Variants in NCALD observed in about 807,000 individuals in gnomAD.
NCALD encodes the protein neurocalcin delta.
Under a neutral mutation model 18.6 loss-of-function variants are expected in NCALD, and 10 were observed. The ratio of observed to expected loss-of-function variants is 0.54; its 90% CI spans 0.33 to 0.91. NCALD has a LOEUF of 0.91. NCALD is among the 40% of genes least tolerant of loss of function. NCALD has a pLI of 0.03. For missense variants in NCALD, 184 were observed against 247.6 expected (o/e 0.74, Z 1.72); for synonymous variants, 88 against 87.4 (o/e 1.01, Z -0.04).
At chr8:101,924,999 G>A (rs946287484) in intron 2 of NCALD, among the ~76,000 whole-genome samples, 3 of 152,006 alleles carry the variant, frequency 2.0e-5, no homozygotes, top group Non-Finnish European at 2.9e-5. Context: ...AGTTGTGAGG[G>A]ATGAATATTT....
intron 2 of NCALD, among the ~76,000 whole-genome samples, chr8:101,702,232 CTTTT>C (rs113050942): frequency 6.8e-6 from 1 of 146,286 alleles, no homozygotes; most frequent in African/African-American, 2.5e-5. Context: ...TAGTGTCATT[CTTTT>C]TTTTTTTTCT....
intron 2 of NCALD, among the ~76,000 whole-genome samples, chr8:102,006,234 G>A (rs562606519): frequency 1.8e-4 from 27 of 151,956 alleles, no homozygotes; most frequent in Non-Finnish European, 3.5e-4. Flanking sequence ...CCCACTAAAA[G>A]GATATTTGTT....
intron 2 of NCALD, among the ~76,000 whole-genome samples, chr8:101,699,721 T>C (rs1815168575): frequency 1.3e-5 from 2 of 151,870 alleles, no homozygotes; most frequent in Admixed American, 1.3e-4. Flanking sequence ...TGAGAACACA[T>C]GGACACAGGG....
chr8:101,714,550 A>C (rs980016930), intron 2 of NCALD, among the ~76,000 whole-genome samples: 2 of 152,262 alleles, frequency 1.3e-5, no homozygotes, highest in South Asian at 2.1e-4. Context: ...CAATATCATG[A>C]AAACGGCCAT....
At chr8:102,065,775 A>G (rs1823989550) in intron 1 of NCALD, among the ~76,000 whole-genome samples, 1 of 152,148 alleles carries the variant, frequency 6.6e-6, no homozygotes, top group Non-Finnish European at 1.5e-5. Context: ...GGAGTTCAAG[A>G]CCAGCCTGGG....
intron 2 of NCALD, among the ~76,000 whole-genome samples, chr8:101,696,302 A>G (rs1364448518): frequency 2.0e-5 from 3 of 152,250 alleles, no homozygotes; most frequent in African/African-American, 7.2e-5. Context: ...AATAAGGCAG[A>G]CATTAGTAAA....
At chr8:101,847,701 G>C (rs1425075494) in intron 4 of NCALD, among the ~76,000 whole-genome samples, 1 of 152,166 alleles carries the variant, frequency 6.6e-6, no homozygotes, top group Non-Finnish European at 1.5e-5. Flanking sequence ...CCCTCAAAGA[G>C]CTTTGGTGCA....
chr8:101,955,479 T>C (rs2131828051), intron 2 of NCALD, among the ~76,000 whole-genome samples: 1 of 152,288 alleles, frequency 6.6e-6, no homozygotes, highest in Admixed American at 6.5e-5. Flanking sequence ...CTGAGACATC[T>C]GGGGTCTAAA....
At chr8:102,085,599 A>T (rs201143137) in intron 1 of NCALD, among the ~76,000 whole-genome samples, 1 of 4,418 alleles carries the variant, frequency 2.3e-4, no homozygotes, top group Non-Finnish European at 5.9e-4. Flanking sequence ...TACTAAAAAT[A>T]AAAAAAAATT....
At chr8:102,092,438 A>C (rs1563610367) in intron 1 of NCALD, among the ~76,000 whole-genome samples, 1 of 152,098 alleles carries the variant, frequency 6.6e-6, no homozygotes, top group Non-Finnish European at 1.5e-5. Flanking sequence ...CTTGTGTGAG[A>C]TCTAAGAACC....
At chr8:101,765,312 TTGCTGTTCCTGCAGTTGC>T (rs1811301015) in intron 1 of NCALD, among the ~76,000 whole-genome samples, 1 of 152,124 alleles carries the variant, frequency 6.6e-6, no homozygotes, top group South Asian at 2.1e-4. Flanking sequence ...TCATAAATAT[TTGCTGTTCCTGCAGTTGC>T]TGCATTAAAC....
intron 3 of NCALD, among the ~76,000 whole-genome samples, chr8:101,894,679 G>A (rs943017637): frequency 1.2e-4 from 18 of 150,626 alleles, no homozygotes; most frequent in South Asian, 2.1e-4. Flanking sequence ...GATAAAGGGG[G>A]TATCACCACA....
At chr8:101,937,035 C>T (rs1818788978) in intron 2 of NCALD, among the ~76,000 whole-genome samples, 1 of 152,160 alleles carries the variant, frequency 6.6e-6, no homozygotes, top group Non-Finnish European at 1.5e-5. Flanking sequence ...CTTCCAACTT[C>T]TGGCAATCAC....
intron 1 of NCALD, among the ~76,000 whole-genome samples, chr8:102,115,671 T>C (rs1177671946): frequency 6.6e-6 from 1 of 152,220 alleles, no homozygotes; most frequent in Non-Finnish European, 1.5e-5. Context: ...GTCAATGGCA[T>C]TCACAAACAA....
chr8:101,789,258 T>C lies in NCALD; in HGVS notation c.-20+1604A>G, dbSNP rs540643604. Among the ~76,000 whole-genome samples, 206 of 152,310 alleles carry C rather than the reference T, an allele frequency of 1.4e-3. No individual in the cohort carries two copies. The Middle Eastern group carries it at 0.017, about 13-fold the overall frequency. ...GAAATGTTACATATAAATTATCATT[T>C]TTCTAGGGGTGTTAAGAATATGGCC... is the stretch of plus-strand genomic sequence containing the variant. On this transcript the variant is annotated intron_variant, in intron 1 of 3. Transcript: ENST00000220931.
intron 4 of NCALD, among the ~76,000 whole-genome samples, chr8:101,805,762 A>G (rs536412201): frequency 6.6e-6 from 1 of 152,336 alleles, no homozygotes; most frequent in South Asian, 2.1e-4. Context: ...GTGGATAACT[A>G]TAGAAGAGCA....
chr8:101,882,938 A>G (rs536008503), intron 4 of NCALD, among the ~76,000 whole-genome samples: 1 of 152,220 alleles, frequency 6.6e-6, no homozygotes, highest in African/African-American at 2.4e-5. Context: ...TGAAATAACA[A>G]CTTTTGAGAA....
chr8:102,073,803 T>C (rs1824257648), intron 1 of NCALD, among the ~76,000 whole-genome samples: 1 of 152,164 alleles, frequency 6.6e-6, no homozygotes, highest in Non-Finnish European at 1.5e-5. Context: ...TCATGGTGAT[T>C]TTTTAAAATG....
intron 2 of NCALD, among the ~76,000 whole-genome samples, chr8:101,716,294 AAGC>A (rs1480663788): frequency 1.3e-5 from 2 of 152,174 alleles, no homozygotes; most frequent in East Asian, 3.9e-4. Context: ...ACAGGGAGGG[AAGC>A]AACACACACC....
Sources: gnomAD v4.1 joint callset for allele counts (sites outside exome capture counted in the v4.1 genomes callset) on GRCh38, gnomAD v4.1.1 for gene constraint, MANE v1.5 for transcripts, NCBI Gene and HGNC (gene_info 2026-07-23, HGNC 2026-07-21) for gene names.